The following PCDH12 variants were observed in gnomAD, a reference collection of about 807,000 sequenced individuals.
PCDH12 encodes protocadherin 12, also known as protocadherin-12.
In PCDH12, 45 loss-of-function variants were observed where a neutral mutation model predicts 70.9. The observed-to-expected ratio is 0.63, with a 90% CI of 0.50 to 0.81. PCDH12 has a LOEUF of 0.81. PCDH12 is among the 40% of genes least tolerant of loss of function. PCDH12 has a pLI of 0.00. For missense variants in PCDH12, 1,370 were observed against 1,491.7 expected, an observed-to-expected ratio of 0.92 and a Z score of 1.34; for synonymous variants, 567 against 626.0, an observed-to-expected ratio of 0.91 and a Z score of 1.41.
In PCDH12 at chr5:141,955,828, A is replaced by G; in HGVS notation, c.2024T>C (p.Ile675Thr). Residue 675 changes from isoleucine to threonine, a missense_variant, in exon 1 of 4, where the codon ATA becomes ACA. Transcript: ENST00000231484. This position sits in a 1 kb window ranked among gnomAD's most constrained non-coding sequence, Gnocchi z 5.5. ...GGGGCTTCCCTGGTCCTCTACTACTATCTCCAGCTCCCACTCACTCCCAAT... is the reference window on the plus strand; with the variant it reads ...GGGGCTTCCCTGGTCCTCTACTACTGTCTCCAGCTCCCACTCACTCCCAAT... ...SLIGSEWELEIVVEDQGSPPL... is the reference protein window; with the variant it reads ...SLIGSEWELETVVEDQGSPPL... 6.2e-7 allele frequency: 1 copy of G among 1,613,884 alleles called. No individual in the cohort carries two copies. The highest frequency in any genetic ancestry group is 8.5e-7 in the Non-Finnish European group (1 of 1,179,942).
intron 2 of PCDH12, among the ~76,000 whole-genome samples, chr5:141,950,260 G>A (rs1753052306): frequency 6.6e-6 from 1 of 152,092 alleles, no homozygotes; most frequent in African/African-American, 2.4e-5. Context: ...TAGACACTTG[G>A]GGACAGGCCT....
chr5:141,957,611 A>G lies in PCDH12; in HGVS notation c.241T>C (p.Ser81Pro), dbSNP rs200826256. ...LPQALPIQVD[S>P]EEGLLSTGRR... ...CCTGTGCTGAGCAAGCCTTCCTCAG[A>G]GTCCACCTGAATGGGGAGCGCCTGA... is the stretch of plus-strand genomic sequence containing the variant. The change falls in exon 1 of 4, where the codon TCT becomes CCT. Residue 81 changes from serine (S) to proline (P), a missense_variant. Physicochemically the swap from Ser to Pro is moderately conservative, Grantham distance 74. Coordinates refer to ENST00000231484, the MANE Select transcript of PCDH12 (RefSeq NM_016580.4). This position sits in a 1 kb window ranked among gnomAD's most constrained non-coding sequence, Gnocchi z 4.3. 1,202 of 1,614,200 alleles carry G rather than the reference A, an allele frequency of 7.4e-4. 8 individuals are homozygous for G. Among genetic ancestry groups the G allele is most frequent in the Non-Finnish European group, 2.9e-4 (337 of 1,180,042 alleles).
chr5:141,955,381 C>T lies in PCDH12; in HGVS notation c.2471G>A (p.Arg824Lys). 1 of 1,614,060 alleles carries T rather than the reference C, an allele frequency of 6.2e-7. No homozygotes were observed. The highest frequency in any genetic ancestry group is 2.2e-5 in the East Asian group (1 of 44,862). The change falls in exon 1 of 4, where the codon AGG becomes AAG. Residue 824 changes from arginine to lysine, a missense_variant. Transcript: ENST00000231484. This position sits in a 1 kb window ranked among gnomAD's most constrained non-coding sequence, Gnocchi z 5.5. ...APFHLTPTLY[R>K]TLRNQGNQGA... is the part of the protein sequence containing the mutation. ...CTGGTTGCCTTGATTACGCAGCGTCCTGTACAGGGTCGGGGTGAGGTGGAA... is the reference window on the plus strand; with the variant it reads ...CTGGTTGCCTTGATTACGCAGCGTCTTGTACAGGGTCGGGGTGAGGTGGAA...
At chr5:141,953,617 CG>C (rs1753125592) in intron 1 of PCDH12, among the ~76,000 whole-genome samples, 1 of 152,220 alleles carries the variant, frequency 6.6e-6, no homozygotes, top group African/African-American at 2.4e-5. Flanking sequence ...GTCACCTCAG[CG>C]GGGTCACCCA....
Position 141,957,315 on chromosome 5 carries a change from G to A in PCDH12, c.537C>T (p.His179=). The A allele has an allele frequency of 1.2e-6, 2 of 1,613,430 alleles. No homozygotes were observed. Among genetic ancestry groups the A allele is most frequent in the South Asian group, 1.1e-5 (1 of 90,922 alleles). ...LHTYTLSPSE[H]FALDVIVGPD... is the part of the protein sequence containing the mutation. ...GGCCCACAATGACATCCAAGGCAAA[G>A]TGCTCACTGGGAGACAGAGTGTAGG... The change falls in exon 1 of 4, where the codon CAC becomes CAT. Residue 179 remains histidine (H), a synonymous_variant. Transcript: ENST00000231484. This position sits in a 1 kb window ranked among gnomAD's most constrained non-coding sequence, Gnocchi z 4.3.
rs1484684676 is a variant in PCDH12 at position 141,957,385 on chromosome 5, A to G, written c.467T>C (p.Leu156Pro). ...ESASLRTRIP[L>P]DRALDPDTGP... ...TGTGTCTGGGTCAAGAGCTCTGTCCAGGGGGATCCGGGTTCGCAGAGAGGC... is the reference window on the plus strand; with the variant it reads ...TGTGTCTGGGTCAAGAGCTCTGTCCGGGGGGATCCGGGTTCGCAGAGAGGC... The change falls in exon 1 of 4, where the codon CTG becomes CCG. Residue 156 changes from leucine (L) to proline (P), a missense_variant. By Grantham distance (98) the Leu-to-Pro change is moderately conservative (BLOSUM62 -3). Coordinates refer to ENST00000231484, the MANE Select transcript of PCDH12 (RefSeq NM_016580.4). The surrounding 1 kb of genome is among the most constrained non-coding windows in gnomAD (Gnocchi z 4.3). 2 of 1,613,848 alleles carry G rather than the reference A, an allele frequency of 1.2e-6. No individual in the cohort carries two copies. The highest frequency in any genetic ancestry group is 1.1e-5 in the South Asian group (1 of 90,986).
rs746075397 is a variant in PCDH12 at position 141,951,529 on chromosome 5, C to T, written c.2942G>A (p.Arg981Gln). ...TGGCTTGGCCAAGTACTTATTTCCT[C>T]GGTGGTTTGGTTTGGGCTGGAATTG... ...QGQFQPKPNH[R>Q]GNKYLAKPGG... The change falls in exon 2 of 4, where the codon CGA becomes CAA. Residue 981 changes from arginine (R) to glutamine (Q), a missense_variant. Arg to Gln is a conservative substitution (Grantham distance 43). Transcript: ENST00000231484. 3.3e-5 allele frequency: 53 copies of T among 1,614,070 alleles called. No individual in the cohort carries two copies. The highest frequency in any genetic ancestry group is 3.3e-4 in the Middle Eastern group (2 of 6,084).
Position 141,958,009 on chromosome 5 carries a change from C to T in PCDH12, c.-158G>A. 1 of 827,602 alleles carries T rather than the reference C, an allele frequency of 1.2e-6. No individual in the cohort carries two copies. Among genetic ancestry groups the T allele is most frequent in the Non-Finnish European group, 1.8e-6 (1 of 544,500 alleles). 51.3% of individuals were successfully genotyped at this position (827,602 alleles called of 1,614,324 possible). A position where few individuals can be genotyped will look rare whatever the true frequency, so the allele number is the denominator to read the frequency against. On this transcript the variant is annotated 5_prime_UTR_variant, in exon 1 of 4. Coordinates refer to ENST00000231484, the MANE Select transcript of PCDH12 (RefSeq NM_016580.4). Reference sequence around the variant, plus strand: ...CATAGTTAGATGATTATGAAACAAGCAGGACCCCAAGGCAAGGCCATCTTC... The same window carrying T: ...CATAGTTAGATGATTATGAAACAAGTAGGACCCCAAGGCAAGGCCATCTTC...
rs1386801706 is a variant in PCDH12, at chr5:141,956,628, G to A, written c.1224C>T (p.Asn408=). 6.2e-7 allele frequency: 1 copy of A among 1,614,190 alleles called. No homozygotes were observed. The highest frequency in any genetic ancestry group is 1.7e-5 in the Admixed American group (1 of 60,024). ...TGGCATTGGTTAGCAACATGTATGT[G>A]TTGCCATTAGTTCTTTTCAGCCTGA... The part of the protein sequence containing the change: ...GHFRLKRTNG[N]TYMLLTNATL... The change falls in exon 1 of 4, where the codon AAC becomes AAT. Residue 408 remains asparagine, a synonymous_variant. Coordinates refer to ENST00000231484, the MANE Select transcript of PCDH12 (RefSeq NM_016580.4).
rs971210898 is a variant in PCDH12, at chr5:141,957,955, C to T, written c.-104G>A. 3.0e-6 allele frequency: 4 copies of T among 1,330,584 alleles called. No homozygotes were observed. The highest frequency in any genetic ancestry group is 2.3e-5 in the East Asian group (1 of 42,952). 82.4% of individuals were successfully genotyped at this position (1,330,584 alleles called of 1,614,324 possible). ...TGGCTTGATCAGCCCCGTGCTCCTT[C>T]CCCCAGAGCTGCCGGCACAACCTTG... On this transcript the variant is annotated 5_prime_UTR_variant, in exon 1 of 4. Transcript: ENST00000231484. This position sits in a 1 kb window ranked among gnomAD's most constrained non-coding sequence, Gnocchi z 4.3.
At chr5:141,949,265 C>A in intron 3 of PCDH12, 167 bp downstream of exon 3, 1 of 958,734 alleles carries the variant, frequency 1.0e-6, no homozygotes, top group Non-Finnish European at 1.2e-6. Flanking sequence ...AGAACCTGGT[C>A]TTTAAAATAC....
chr5:141,957,468 G>C lies in PCDH12; in HGVS notation c.384C>G (p.Ile128Met). The C allele has an allele frequency of 6.2e-7, 1 of 1,612,958 alleles. No individual in the cohort carries two copies. The highest frequency in any genetic ancestry group is 1.1e-5 in the South Asian group (1 of 90,866). The change falls in exon 1 of 4, where the codon ATC (isoleucine) becomes ATG (methionine). Residue 128 changes from isoleucine (I) to methionine (M), a missense_variant. By Grantham distance (10) the Ile-to-Met change is conservative. Coordinates refer to ENST00000231484, the MANE Select transcript of PCDH12 (RefSeq NM_016580.4). The surrounding 1 kb of genome is among the most constrained non-coding windows in gnomAD (Gnocchi z 4.3). ...TGGGAAACCGTGGCTGGTGGTCATTGATGTCCAGCACTTGGATCTCCACAT... is the reference window on the plus strand; with the variant it reads ...TGGGAAACCGTGGCTGGTGGTCATTCATGTCCAGCACTTGGATCTCCACAT... ...LIHVEIQVLD[I>M]NDHQPRFPKG... is the part of the protein sequence containing the mutation.
Position 141,955,142 on chromosome 5 carries a change from G to T in PCDH12, c.2710C>A (p.Pro904Thr). 1 of 1,614,200 alleles carries T rather than the reference G, an allele frequency of 6.2e-7. No individual in the cohort carries two copies. Among genetic ancestry groups the T allele is most frequent in the Non-Finnish European group, 8.5e-7 (1 of 1,180,028 alleles). The change falls in exon 1 of 4, where the codon CCA (proline) becomes ACA (threonine). Residue 904 changes from proline to threonine, a missense_variant. Pro to Thr is a conservative substitution (Grantham distance 38). Coordinates refer to ENST00000231484, the MANE Select transcript of PCDH12 (RefSeq NM_016580.4). This position sits in a 1 kb window ranked among gnomAD's most constrained non-coding sequence, Gnocchi z 5.5. ...CGTCTCAGGGTTGCAGAGGAGGCTG[G>T]TGGCCTCTGTGGGGCTTCCTCACTG... is the stretch of plus-strand genomic sequence containing the variant. ...QGSEEAPQRP[P>T]ASSATLRRQR...
intron 1 of PCDH12, among the ~76,000 whole-genome samples, chr5:141,954,351 G>A (rs1753140094): frequency 6.6e-6 from 1 of 152,244 alleles, no homozygotes; most frequent in Non-Finnish European, 1.5e-5. Context: ...AAGTTGCCCA[G>A]ATGAGATGAA....
Position 141,957,104 on chromosome 5 carries a change from C to G in PCDH12, c.748G>C (p.Ala250Pro), listed in dbSNP as rs759178735. ...NSPAFAESSL[A>P]LEIQEDAAPG... Reference sequence around the variant, plus strand: ...GCAGCATCTTCTTGGATTTCCAGTGCCAGTGAACTCTCAGCAAACGCAGGG... The same window carrying G: ...GCAGCATCTTCTTGGATTTCCAGTGGCAGTGAACTCTCAGCAAACGCAGGG... Residue 250 changes from alanine (A) to proline (P), a missense_variant, in exon 1 of 4, where the codon GCA becomes CCA. Coordinates refer to ENST00000231484, the MANE Select transcript of PCDH12 (RefSeq NM_016580.4). The surrounding 1 kb of genome is among the most constrained non-coding windows in gnomAD (Gnocchi z 4.3). 6.2e-7 allele frequency: 1 copy of G among 1,614,106 alleles called. No individual in the cohort carries two copies. Among genetic ancestry groups the G allele is most frequent in the Non-Finnish European group, 8.5e-7 (1 of 1,180,004 alleles).
chr5:141,945,024 A>C lies in PCDH12; in HGVS notation c.*357T>G. On this transcript the variant is annotated 3_prime_UTR_variant, in exon 4 of 4. Transcript: ENST00000231484. ...GAGCATTTCCTGGCACCCCCAGGGT[A>C]CAGCCCCCTGACTCCTGCTACCCAA... The C allele has an allele frequency of 3.8e-6, 1 of 264,160 alleles. No individual in the cohort carries two copies. Among genetic ancestry groups the C allele is most frequent in the Non-Finnish European group, 7.2e-6 (1 of 139,572 alleles). 16.4% of individuals were successfully genotyped at this position (264,160 alleles called of 1,614,324 possible).
chr5:141,949,672 C>T, intron 2 of PCDH12, 89 bp from the exon 3 acceptor site: 2 of 1,485,804 alleles, frequency 1.3e-6, no homozygotes, highest in Non-Finnish European at 1.8e-6. Flanking sequence ...TTCATTTACC[C>T]ATATAGGGAA....
At chr5:141,947,334 A>C (rs1188028494) in intron 3 of PCDH12, among the ~76,000 whole-genome samples, 1 of 152,168 alleles carries the variant, frequency 6.6e-6, no homozygotes, top group Non-Finnish European at 1.5e-5. Context: ...GTTCCTTGAG[A>C]CTCTGAGGCT....
chr5:141,946,071 G>A (rs1023410097), intron 3 of PCDH12, among the ~76,000 whole-genome samples: 2 of 152,138 alleles, frequency 1.3e-5, no homozygotes, highest in East Asian at 1.9e-4. Flanking sequence ...GAAATTTGCC[G>A]ATTTCTGAAG....
Sources: allele counts gnomAD v4.1 joint callset (sites outside exome capture counted in the v4.1 genomes callset), GRCh38; gene constraint gnomAD v4.1.1; non-coding constraint Gnocchi (gnomAD v3.1); transcripts MANE v1.5; gene names NCBI Gene and HGNC (gene_info 2026-07-23, HGNC 2026-07-21).